The following BUD23 variants were observed in gnomAD, a reference collection of about 807,000 sequenced individuals.
BUD23 encodes the protein 18S rRNA (guanine-N(7))-methyltransferase.
A neutral mutation model predicts 47.0 loss-of-function variants in BUD23; 34 were observed. The ratio of observed to expected loss-of-function variants is 0.72; its 90% CI spans 0.55 to 0.96. BUD23 has a LOEUF of 0.96. Ranked by LOEUF, BUD23 falls within the 40% of genes least tolerant of loss-of-function variation. BUD23 has a pLI of 0.00. For missense variants in BUD23, 343 were observed against 361.2 expected (o/e 0.95, Z 0.41); for synonymous variants, 124 against 132.0 (o/e 0.94, Z 0.41).
intron 5 of BUD23, among the ~76,000 whole-genome samples, chr7:73,688,101 T>G (rs1798049001): frequency 6.6e-6 from 1 of 152,038 alleles, no homozygotes; most frequent in South Asian, 2.1e-4. Context: ...TTTCACCATG[T>G]TAGCCAGGAT....
chr7:73,693,082 G>A (rs376496449), intron 7 of BUD23: 6 of 574,760 alleles, frequency 1.0e-5, no homozygotes, highest in Admixed American at 3.0e-5. Context: ...AACTTGAGTG[G>A]GGAGCTGGGT....
At chr7:73,693,264 A>G in intron 7 of BUD23, 65 bp from the exon 8 acceptor site, 2 of 1,400,788 alleles carry the variant, frequency 1.4e-6, no homozygotes, top group Non-Finnish European at 2.0e-6. Flanking sequence ...GAAGGAGGGG[A>G]GGGAGGTGAA....
intron 5 of BUD23, among the ~76,000 whole-genome samples, chr7:73,687,403 A>G (rs1798018366): frequency 6.6e-6 from 1 of 152,086 alleles, no homozygotes; most frequent in Non-Finnish European, 1.5e-5. Context: ...CAGCCTCCCA[A>G]GTAGCTGAGA....
chr7:73,686,941 T>C, intron 4 of BUD23, 41 bp downstream of exon 4: 1 of 1,613,920 alleles, frequency 6.2e-7, no homozygotes. Context: ...ATTACCCTGA[T>C]GGGTGTGGAG....
intron 10 of BUD23, chr7:73,695,947 A>G (rs1798385983): frequency 1.3e-5 from 2 of 152,126 alleles, no homozygotes; most frequent in South Asian, 4.1e-4. Flanking sequence ...TATTATTTGT[A>G]TCTCCAGCTA....
At position 73,697,598 on chromosome 7, in the gene BUD23, G is replaced by A. The variant is rs782237525; in HGVS notation, c.702-7G>A. On this transcript the variant is annotated splice_polypyrimidine_tract_variant and splice_region_variant and intron_variant, in intron 10 of 11. Coordinates refer to ENST00000265758, the MANE Select transcript of BUD23 (RefSeq NM_017528.5). ...TCCATCAGCTCATAGCTGTGTCTCC[G>A]CCACAGGTTCCCATTAAGGATGTCG... The A allele has an allele frequency of 1.9e-5, 30 of 1,613,520 alleles. No individual in the cohort carries two copies. The highest frequency in any genetic ancestry group is 8.8e-5 in the South Asian group (8 of 91,082).
At chr7:73,685,143 A>G (rs1797913467) in intron 2 of BUD23, among the ~76,000 whole-genome samples, 1 of 151,504 alleles carries the variant, frequency 6.6e-6, no homozygotes, top group Non-Finnish European at 1.5e-5. Context: ...TCCCGTCTCT[A>G]CTGAAAATAC....
At chr7:73,690,298 C>T (rs1333598719) in intron 5 of BUD23, among the ~76,000 whole-genome samples, 1 of 152,146 alleles carries the variant, frequency 6.6e-6, no homozygotes, top group African/African-American at 2.4e-5. Context: ...AGCCAATGCA[C>T]CTGGCTGCTT....
chr7:73,692,358 A>T (rs782424653), intron 6 of BUD23, among the ~76,000 whole-genome samples: 17 of 152,174 alleles, frequency 1.1e-4, no homozygotes, highest in Non-Finnish European at 2.4e-4. Flanking sequence ...CACTTTGTCT[A>T]ATTCCTCTTT....
intron 2 of BUD23, among the ~76,000 whole-genome samples, chr7:73,685,487 A>G (rs572422359): frequency 2.6e-5 from 4 of 152,296 alleles, no homozygotes; most frequent in Admixed American, 2.0e-4. Flanking sequence ...CTCTCATTCT[A>G]TCGCCCAGGC....
intron 7 of BUD23, 38 bp downstream of exon 7, chr7:73,692,684 G>A (rs371856261): frequency 3.1e-5 from 50 of 1,596,820 alleles, no homozygotes; most frequent in Middle Eastern, 3.3e-4. Context: ...GGGGAGTTGG[G>A]GGACTCAACA....
chr7:73,687,573 C>A (rs1445653125), intron 5 of BUD23, among the ~76,000 whole-genome samples: 10 of 152,086 alleles, frequency 6.6e-5, no homozygotes, highest in African/African-American at 2.4e-4. Context: ...CCGTGCACAG[C>A]CTAACTTTTT....
chr7:73,684,581 G>A (rs1169071769), intron 2 of BUD23, among the ~76,000 whole-genome samples: 2 of 134,578 alleles, frequency 1.5e-5, no homozygotes. Flanking sequence ...TTGCAGGCGT[G>A]AGCCAGCGCA....
intron 2 of BUD23, among the ~76,000 whole-genome samples, chr7:73,685,775 T>G (rs1797942943): frequency 6.6e-6 from 1 of 151,936 alleles, no homozygotes; most frequent in South Asian, 2.1e-4. Flanking sequence ...TGGAAATACG[T>G]TATTAAATAT....
intron 10 of BUD23, chr7:73,697,400 A>G: frequency 3.3e-6 from 5 of 1,531,926 alleles, no homozygotes; most frequent in Non-Finnish European, 4.4e-6. Flanking sequence ...CCCACCCAAC[A>G]ACCTCTGTGG....
chr7:73,684,126 G>A (rs1527454), intron 2 of BUD23: 195,790 of 645,428 alleles, frequency 0.3, 33,265 homozygotes, highest in Non-Finnish European at 0.33. Context: ...CTGGTGGGGG[G>A]AAGGAAGTAA....
At chr7:73,697,505 C>T in intron 10 of BUD23, 100 bp from the exon 11 acceptor site, 1 of 1,591,924 alleles carries the variant, frequency 6.3e-7, no homozygotes, top group Non-Finnish European at 8.5e-7. Context: ...TCCGAGGCCA[C>T]CAGACTCGGA....
In BUD23 at chr7:73,698,117, G is replaced by C; in HGVS notation, c.*231G>C. 5.5e-5 allele frequency: 6 copies of C among 109,304 alleles called. No homozygotes were observed. Among genetic ancestry groups the C allele is most frequent in the Non-Finnish European group, 1.1e-4 (6 of 56,752 alleles). 6.8% of individuals were successfully genotyped at this position (109,304 alleles called of 1,614,324 possible). On this transcript the variant is annotated 3_prime_UTR_variant, in exon 12 of 12. Coordinates refer to ENST00000265758, the MANE Select transcript of BUD23 (RefSeq NM_017528.5). ...TTGAGACCTGCCTGGGCAACATAAT[G>C]AAACTTCCTTTCCAGGGAGGAAAAA...
intron 4 of BUD23, 37 bp downstream of exon 4, chr7:73,686,937 C>A: frequency 6.2e-7 from 1 of 1,613,988 alleles, no homozygotes; most frequent in Non-Finnish European, 8.5e-7. Context: ...GTGGATTACC[C>A]TGATGGGTGT....
Sources: allele counts gnomAD v4.1 joint callset (sites outside exome capture counted in the v4.1 genomes callset), GRCh38; gene constraint gnomAD v4.1.1; transcripts MANE v1.5; gene names NCBI Gene and HGNC (gene_info 2026-07-23, HGNC 2026-07-21).